FARP2: variants seen among roughly 807,000 people sequenced by gnomAD.
FARP2 encodes FERM, ARH/RhoGEF and pleckstrin domain protein 2.
Under a neutral mutation model 130.5 loss-of-function variants are expected in FARP2, and 111 were observed. The ratio of observed to expected loss-of-function variants is 0.85; its 90% CI spans 0.73 to 1.00. The LOEUF (loss-of-function observed/expected upper bound fraction) is 1.00. Among genes scored for constraint, FARP2 ranks in the 50% least tolerant of loss-of-function variants. The pLI is 0.00. For synonymous variants in FARP2, 504 were observed against 516.9 expected, an observed-to-expected ratio of 0.98 and a Z score of 0.34; for missense variants, 1,385 against 1,346.3, an observed-to-expected ratio of 1.03 and a Z score of -0.45.
rs1234124228 is a variant in FARP2, at chr2:241,421,715, TG to T, written c.771+3609del. ...GGCCAGCAACAAGTCAGTACCCTCC[TG>T]GGATATAAAGCTTTTAGAGGAGAAA... On this transcript the variant is annotated intron_variant, in intron 8 of 26. Coordinates refer to ENST00000264042, the MANE Select transcript of FARP2 (RefSeq NM_014808.4). Among the ~76,000 whole-genome samples, 5 of 69,338 alleles carry T rather than the reference TG, an allele frequency of 7.2e-5. No homozygotes were observed. The Admixed American group carries it at 1.1e-3, about 15-fold the overall frequency. The allele number at this position is 69,338 out of a possible 152,430, so 45.5% of individuals were successfully genotyped here.
At position 241,450,101 on chromosome 2, in the gene FARP2, G is replaced by A. The variant is rs116545080; in HGVS notation, c.1412-6646G>A. ...TTTTATGTCTTTTGGCCAGGAATCA[G>A]AGCACTTTGGGAAGCCAAGGTGGGA... On this transcript the variant is annotated intron_variant, in intron 13 of 26. Coordinates refer to ENST00000264042, the MANE Select transcript of FARP2 (RefSeq NM_014808.4). Among the ~76,000 whole-genome samples, 1,086 of 152,176 alleles carry A rather than the reference G, an allele frequency of 7.1e-3. 5 individuals carry two copies. The highest frequency in any genetic ancestry group is 0.023 in the African/African-American group (958 of 41,498).
chr2:241,489,862 C>A (rs2064850083), intron 21 of FARP2, 100 bp from the exon 22 acceptor site: 2 of 767,176 alleles, frequency 2.6e-6, no homozygotes, highest in South Asian at 3.1e-5. Flanking sequence ...GGCTTCCAAG[C>A]CCCACCTAGC....
chr2:241,398,803 A>G (rs1479800835), intron 2 of FARP2, among the ~76,000 whole-genome samples: 1 of 152,082 alleles, frequency 6.6e-6, no homozygotes, highest in Non-Finnish European at 1.5e-5. Context: ...TCCTGACCTC[A>G]GGTGATCTGC....
At chr2:241,453,618 T>C (rs1056869137) in intron 13 of FARP2, among the ~76,000 whole-genome samples, 2 of 147,242 alleles carry the variant, frequency 1.4e-5, no homozygotes, top group Non-Finnish European at 3.0e-5. Context: ...CGAGACTCTG[T>C]CTCAAAAAAA....
intron 2 of FARP2, among the ~76,000 whole-genome samples, chr2:241,396,843 C>G (rs2062041861): frequency 6.6e-6 from 1 of 152,086 alleles, no homozygotes; most frequent in Non-Finnish European, 1.5e-5. Context: ...GGTATATACC[C>G]AAAGGACTAT....
At chr2:241,443,538 C>T (rs1029620286) in intron 13 of FARP2, 1 of 152,344 alleles carries the variant, frequency 6.6e-6, no homozygotes, top group African/African-American at 2.4e-5. Flanking sequence ...CCAGCGTACC[C>T]GTAAACACAT....
chr2:241,414,942 C>T (rs1044181922), intron 7 of FARP2, among the ~76,000 whole-genome samples: 1 of 152,120 alleles, frequency 6.6e-6, no homozygotes, highest in Non-Finnish European at 1.5e-5. Context: ...AGTTTGGGTT[C>T]AAGGGCTGGA....
intron 1 of FARP2, among the ~76,000 whole-genome samples, chr2:241,358,347 GA>G (rs1436134898): frequency 6.6e-6 from 1 of 152,186 alleles, no homozygotes; most frequent in African/African-American, 2.4e-5. Flanking sequence ...AAACAGTAGA[GA>G]AAAAATTAGG....
intron 20 of FARP2, chr2:241,483,752 C>G (rs2064684756): frequency 1.0e-6 from 1 of 972,192 alleles, no homozygotes; most frequent in South Asian, 4.8e-5. Context: ...CCAGGGCCAG[C>G]CTCCTTCTTC....
chr2:241,464,017 G>A (rs369420088), intron 17 of FARP2, 37 bp downstream of exon 17: 35 of 1,547,440 alleles, frequency 2.3e-5, no homozygotes, highest in Non-Finnish European at 2.9e-5. Context: ...CATGAATGCT[G>A]TTTATGGGAG....
chr2:241,437,670 A>ATTTTATT (rs1553723710), intron 12 of FARP2, among the ~76,000 whole-genome samples: 48 of 133,122 alleles, frequency 3.6e-4, no homozygotes, highest in African/African-American at 1.2e-3. Context: ...TTATTTATTT[A>ATTTTATT]TTTTTTTTTT....
chr2:241,476,613 C>T (rs1056200624), intron 19 of FARP2, among the ~76,000 whole-genome samples: 9 of 152,168 alleles, frequency 5.9e-5, no homozygotes, highest in African/African-American at 2.2e-4. Flanking sequence ...CGCTTGAACC[C>T]GGGAGGTGGA....
At chr2:241,389,391 A>G (rs2061857001) in intron 2 of FARP2, among the ~76,000 whole-genome samples, 1 of 152,258 alleles carries the variant, frequency 6.6e-6, no homozygotes, top group African/African-American at 2.4e-5. Flanking sequence ...ACTTGTGAAT[A>G]GAAGAAAATG....
chr2:241,399,305 GGTTT>G (rs542418128), intron 2 of FARP2, among the ~76,000 whole-genome samples: 27 of 152,114 alleles, frequency 1.8e-4, no homozygotes, highest in Admixed American at 7.2e-4. Context: ...ACCTTTGTTG[GGTTT>G]GTTTGTTTGT....
chr2:241,439,444 C>T (rs910804475), intron 12 of FARP2, among the ~76,000 whole-genome samples: 1 of 152,132 alleles, frequency 6.6e-6, no homozygotes, highest in Admixed American at 6.5e-5. Flanking sequence ...ATTCTCCTGC[C>T]TCAGCCTCCC....
chr2:241,431,726 A>G lies in FARP2; in HGVS notation c.819A>G (p.Leu273=), dbSNP rs1254881547. 1.2e-6 allele frequency: 2 copies of G among 1,600,312 alleles called. No individual in the cohort carries two copies. Among genetic ancestry groups the G allele is most frequent in the East Asian group, 2.3e-5 (1 of 44,402 alleles). ...TCAACTGGTCCAAGGTCCGTAAACTAAGCTTCAAGAGGAAAAGATTTCTTA... is the reference window on the plus strand; with the variant it reads ...TCAACTGGTCCAAGGTCCGTAAACTGAGCTTCAAGAGGAAAAGATTTCTTA... The part of the protein sequence containing the change: ...NTFNWSKVRK[L]SFKRKRFLIK... The change falls in exon 9 of 27, where the codon CTA becomes CTG. Residue 273 remains leucine (L), a synonymous_variant. Transcript: ENST00000264042.
chr2:241,469,753 C>G (rs561417128), intron 18 of FARP2, among the ~76,000 whole-genome samples: 1 of 152,208 alleles, frequency 6.6e-6, no homozygotes. Context: ...GGAAGCCATG[C>G]CATGGAGAAG....
At chr2:241,422,795 C>G (rs1025319400) in intron 8 of FARP2, among the ~76,000 whole-genome samples, 1 of 152,138 alleles carries the variant, frequency 6.6e-6, no homozygotes, top group African/African-American at 2.4e-5. Flanking sequence ...AGCTGAAAAA[C>G]ACAACACGAG....
At chr2:241,428,465 G>A (rs1291256464) in intron 8 of FARP2, among the ~76,000 whole-genome samples, 1 of 151,768 alleles carries the variant, frequency 6.6e-6, no homozygotes, top group East Asian at 1.9e-4. Flanking sequence ...CAAAGTGCTG[G>A]GATCACAGGC....
Sources: gnomAD v4.1 joint callset for allele counts (sites outside exome capture counted in the v4.1 genomes callset) on GRCh38, gnomAD v4.1.1 for gene constraint, MANE v1.5 for transcripts, NCBI Gene and HGNC (gene_info 2026-07-23, HGNC 2026-07-21) for gene names.